The following UBQLN4 variants were observed in gnomAD, a reference collection of about 807,000 sequenced individuals.
The protein encoded by UBQLN4 is ubiquilin-4.
UBQLN4 carries 11 observed loss-of-function variants against 60.4 expected under a neutral mutation model. That is an observed-to-expected ratio of 0.18 (90% CI 0.11 to 0.30). The LOEUF (loss-of-function observed/expected upper bound fraction) is 0.30. Among genes scored for constraint, UBQLN4 ranks in the 10% least tolerant of loss-of-function variants. The probability of loss-of-function intolerance (pLI) is 1.00; values close to 1 mark genes in which losing one functional copy is unlikely to be tolerated. For synonymous variants in UBQLN4, 258 were observed against 313.1 expected, an observed-to-expected ratio of 0.82 and a Z score of 1.86; for missense variants, 417 against 795.5, an observed-to-expected ratio of 0.52 and a Z score of 5.72.
Position 156,035,651 on chromosome 1 carries a change from A to G in UBQLN4, c.*1327T>C, listed in dbSNP as rs1683380192. The G allele has an allele frequency of 1.0e-6, 1 of 983,620 alleles. No homozygotes were observed. The highest frequency in any genetic ancestry group is 1.2e-6 in the Non-Finnish European group (1 of 828,702). The allele number at this position is 983,620 out of a possible 1,614,324, so 60.9% of individuals were successfully genotyped here. On this transcript the variant is annotated 3_prime_UTR_variant, in exon 11 of 11. Coordinates refer to ENST00000368309, the MANE Select transcript of UBQLN4 (RefSeq NM_020131.5). ...TGAAAGGCCAGGGGCTCTGGAGGAAAAAAACCCTCTACTATTCCCACAAGG... is the reference window on the plus strand; with the variant it reads ...TGAAAGGCCAGGGGCTCTGGAGGAAGAAAACCCTCTACTATTCCCACAAGG...
In UBQLN4 at chr1:156,050,579, T is replaced by C; in HGVS notation, c.479-26A>G. 1 of 1,587,220 alleles carries C rather than the reference T, an allele frequency of 6.3e-7. No individual in the cohort carries two copies. Among genetic ancestry groups the C allele is most frequent in the Non-Finnish European group, 8.6e-7 (1 of 1,165,374 alleles). On this transcript the variant is annotated intron_variant, in intron 3 of 10. Transcript: ENST00000368309. This position sits in a 1 kb window ranked among gnomAD's most constrained non-coding sequence, Gnocchi z 4.6. ...CTGTGGGAAGGGGGCAGGGTCACAG[T>C]CTGCCACAAGAACAGTGTCCTCACT...
At chr1:156,032,123 C>G (rs1683308181), downstream of UBQLN4, among the ~76,000 whole-genome samples, 1 of 151,166 alleles carries the variant, frequency 6.6e-6, no homozygotes, top group Non-Finnish European at 1.5e-5. Context: ...CTGCCTCAGT[C>G]TACTGAATAG....
Position 156,035,335 on chromosome 1 carries a change from C to A in UBQLN4, c.*1643G>T, listed in dbSNP as rs1683373726. ...AGACCACGCCATTTATTTACAAAGGCCAGTGTGGGAGCTGGGGGAGGCAGG... is the reference window on the plus strand; with the variant it reads ...AGACCACGCCATTTATTTACAAAGGACAGTGTGGGAGCTGGGGGAGGCAGG... On this transcript the variant is annotated 3_prime_UTR_variant, in exon 11 of 11. Coordinates refer to ENST00000368309, the MANE Select transcript of UBQLN4 (RefSeq NM_020131.5). The A allele has an allele frequency of 1.0e-6, 1 of 985,268 alleles. No homozygotes were observed. The highest frequency in any genetic ancestry group is 1.7e-5 in the African/African-American group (1 of 57,180). 61.0% of individuals were successfully genotyped at this position (985,268 alleles called of 1,614,324 possible).
chr1:156,045,986 C>T (rs1465426305), intron 5 of UBQLN4, among the ~76,000 whole-genome samples: 2 of 151,784 alleles, frequency 1.3e-5, no homozygotes, highest in African/African-American at 4.8e-5. Context: ...GCTGGGATGA[C>T]AGGCACCCAC....
At chr1:156,040,747 C>T (rs1490786675) in intron 10 of UBQLN4, among the ~76,000 whole-genome samples, 1 of 152,238 alleles carries the variant, frequency 6.6e-6, no homozygotes, top group Non-Finnish European at 1.5e-5. Context: ...CCACCGCGCC[C>T]AGCCAGTCCA....
chr1:156,032,020 T>TGTTCAAATA (rs372518591), downstream of UBQLN4, among the ~76,000 whole-genome samples: 1 of 152,008 alleles, frequency 6.6e-6, no homozygotes, highest in African/African-American at 2.4e-5. Context: ...CAAGCAGGAT[T>TGTTCAAATA]TCTAGAGCAG....
chr1:156,046,333 CAA>C lies in UBQLN4; in HGVS notation c.901-2112_901-2111del, dbSNP rs767622665. On this transcript the variant is annotated intron_variant, in intron 5 of 10. Transcript: ENST00000368309. ...TGAAACCCCGTCTCTACTAATAATA[CAA>C]AAAAAAAAAAAAAATAGCTGGGCAT... is the stretch of plus-strand genomic sequence containing the variant. 1.7e-3 allele frequency among the ~76,000 whole-genome samples: 197 copies of C among 117,486 alleles called. No individual in the cohort carries two copies. The South Asian group carries it at 0.019, about 11-fold the overall frequency. 77.1% of individuals were successfully genotyped at this position (117,486 alleles called of 152,430 possible).
At chr1:156,042,595 C>G in intron 7 of UBQLN4, 179 bp downstream of exon 7, 1 of 1,114,814 alleles carries the variant, frequency 9.0e-7, no homozygotes, top group South Asian at 1.7e-5. Flanking sequence ...TTATTATCAT[C>G]TTACAGATAA....
At chr1:156,051,380 G>T (rs1683866640) in intron 2 of UBQLN4, 53 bp from the exon 3 acceptor site, 2 of 1,534,496 alleles carry the variant, frequency 1.3e-6, no homozygotes, top group South Asian at 2.4e-5. Flanking sequence ...AAGAGGGAAG[G>T]TACCGTGACA....
rs1417594397 is a variant in UBQLN4 at position 156,051,300 on chromosome 1, A to G, written c.288T>C (p.Ala96=). The G allele has an allele frequency of 1.9e-6, 3 of 1,556,906 alleles. No homozygotes were observed. The highest frequency in any genetic ancestry group is 2.6e-6 in the Non-Finnish European group (3 of 1,149,528). ...QKAQDPAAAT[A]SSPSTPDPAS... ...CAGGGTCAGGTGTGGAGGGGGAAGAAGCAGTGGCAGCAGCTGGATCTTGAG... is the reference window on the plus strand; with the variant it reads ...CAGGGTCAGGTGTGGAGGGGGAAGAGGCAGTGGCAGCAGCTGGATCTTGAG... Residue 96 remains alanine (A), a synonymous_variant, in exon 3 of 11, where the codon GCT becomes GCC. Transcript: ENST00000368309.
At chr1:156,034,855 AT>A (rs1572265943), downstream of UBQLN4, among the ~76,000 whole-genome samples, 7 of 112,412 alleles carry the variant, frequency 6.2e-5, no homozygotes, top group Non-Finnish European at 9.5e-5. Flanking sequence ...ATATATATAT[AT>A]ATATATATAT....
chr1:156,050,207 T>A lies in UBQLN4; in HGVS notation c.741+84A>T. ...ACTGCTGAATACACGAATGAACAAA[T>A]CAATGTAGGACAAAGTAGGAAAGGC... is the stretch of plus-strand genomic sequence containing the variant. On this transcript the variant is annotated intron_variant, in intron 4 of 10. Transcript: ENST00000368309. The surrounding 1 kb of genome is among the most constrained non-coding windows in gnomAD (Gnocchi z 4.6). 6.8e-7 allele frequency: 1 copy of A among 1,480,736 alleles called. No individual in the cohort carries two copies. The highest frequency in any genetic ancestry group is 2.4e-5 in the East Asian group (1 of 42,036). The allele number at this position is 1,480,736 out of a possible 1,614,324, so 91.7% of individuals were successfully genotyped here.
At chr1:156,046,366 C>T (rs1054957012) in intron 5 of UBQLN4, among the ~76,000 whole-genome samples, 110 of 147,008 alleles carry the variant, frequency 7.5e-4, no homozygotes, top group African/African-American at 2.7e-3. Flanking sequence ...GGCATGGTGG[C>T]GGGCGCCTGT....
chr1:156,036,290 C>A lies in UBQLN4; in HGVS notation c.*688G>T. On this transcript the variant is annotated 3_prime_UTR_variant, in exon 11 of 11. Transcript: ENST00000368309. ...TTCCCTTCCTCCGAATAATCTCATTCCCTCCTCTTTCACACGAATTTCCTC... is the reference window on the plus strand; with the variant it reads ...TTCCCTTCCTCCGAATAATCTCATTACCTCCTCTTTCACACGAATTTCCTC... 1 of 985,646 alleles carries A rather than the reference C, an allele frequency of 1.0e-6. No individual in the cohort carries two copies. Among genetic ancestry groups the A allele is most frequent in the Non-Finnish European group, 1.2e-6 (1 of 829,992 alleles). The allele number at this position is 985,646 out of a possible 1,614,324, so 61.1% of individuals were successfully genotyped here.
At chr1:156,042,950 A>T (rs1056295978) in intron 6 of UBQLN4, 37 bp from the exon 7 acceptor site, 7 of 1,606,406 alleles carry the variant, frequency 4.4e-6, no homozygotes, top group African/African-American at 1.3e-5. Context: ...CAGGAGAGAA[A>T]GGGTCCAGAT....
rs755301551 is a variant in UBQLN4 at position 156,051,149 on chromosome 1, C to T, written c.439G>A (p.Ala147Thr). Residue 147 changes from alanine to threonine, a missense_variant, in exon 3 of 11, where the codon GCT becomes ACT. Ala to Thr is a moderately conservative substitution (Grantham distance 58, BLOSUM62 0). Coordinates refer to ENST00000368309, the MANE Select transcript of UBQLN4 (RefSeq NM_020131.5). ...RSSGGGPSPG[A>T]GEGSPSATAS... Reference sequence around the variant, plus strand: ...GTAGCACTGGGGGATCCCTCCCCAGCCCCCGGAGAGGGCCCCCCACCACTG... The same window carrying T: ...GTAGCACTGGGGGATCCCTCCCCAGTCCCCGGAGAGGGCCCCCCACCACTG... 40 of 1,612,184 alleles carry T rather than the reference C, an allele frequency of 2.5e-5. No individual in the cohort carries two copies. In the South Asian group the frequency reaches 4.1e-4, roughly 16 times the overall value.
downstream of UBQLN4, chr1:156,033,168 A>T: frequency 2.0e-6 from 2 of 977,368 alleles, no homozygotes; most frequent in Non-Finnish European, 2.4e-6. Flanking sequence ...AGTGGAGGAA[A>T]ACAAGGCATC....
intron 9 of UBQLN4, 89 bp downstream of exon 9, chr1:156,041,783 C>T (rs1169286569): frequency 3.4e-5 from 50 of 1,468,084 alleles, no homozygotes; most frequent in Non-Finnish European, 4.5e-5. Flanking sequence ...CCCTCAGAGA[C>T]ACAAAGGATG....
intron 2 of UBQLN4, 110 bp downstream of exon 2, chr1:156,051,596 C>T: frequency 6.7e-7 from 1 of 1,490,984 alleles, no homozygotes; most frequent in Non-Finnish European, 9.1e-7. Context: ...CCAGGAGCTA[C>T]CTGCCTGGGC....
Sources: allele counts gnomAD v4.1 joint callset (sites outside exome capture counted in the v4.1 genomes callset), GRCh38; gene constraint gnomAD v4.1.1; non-coding constraint Gnocchi (gnomAD v3.1); transcripts MANE v1.5; gene names NCBI Gene and HGNC (gene_info 2026-07-23, HGNC 2026-07-21).